Variants in TAAR5 observed in about 807,000 individuals in gnomAD.
TAAR5 encodes trace amine associated receptor 5.
A neutral mutation model predicts 21.1 loss-of-function variants in TAAR5; 27 were observed. The observed-to-expected ratio is 1.28, with a 90% confidence interval of 0.94 to 1.76. TAAR5 has a LOEUF of 1.76. Among genes scored for constraint, TAAR5 ranks in the 40% most tolerant of loss-of-function variants. The probability of loss-of-function intolerance (pLI) is 0.00; values close to 1 mark genes in which losing one functional copy is unlikely to be tolerated. For synonymous variants in TAAR5, 203 were observed against 167.5 expected, an observed-to-expected ratio of 1.21 and a Z score of -1.64; for missense variants, 495 against 405.6, an observed-to-expected ratio of 1.22 and a Z score of -1.89.
upstream of TAAR5, chr6:132,594,255 A>G (rs542282329): frequency 1.3e-5 from 2 of 152,274 alleles, no homozygotes; most frequent in African/African-American, 4.8e-5. Flanking sequence ...AGGCTCATCT[A>G]TAACTCCTAC....
At chr6:132,608,203 A>C in the TAAR5 span, 2 of 379,646 alleles carry the variant, frequency 5.3e-6, no homozygotes, top group African/African-American at 4.2e-5. Flanking sequence ...AAATAATAAC[A>C]ATCTCATTTG....
chr6:132,597,600 C>T, the TAAR5 span, among the ~76,000 whole-genome samples: 1 of 151,982 alleles, frequency 6.6e-6, no homozygotes, highest in Non-Finnish European at 1.5e-5. Context: ...AAAGTTAAGC[C>T]CTTTATGGCA....
upstream of TAAR5, among the ~76,000 whole-genome samples, chr6:132,591,172 C>A (rs12208145): frequency 0.28 from 42,984 of 151,992 alleles, 6,598 homozygotes; most frequent in Non-Finnish European, 0.35. Flanking sequence ...AGAGTAGGTA[C>A]AATTATACCT....
the TAAR5 span, among the ~76,000 whole-genome samples, chr6:132,609,648 A>T: frequency 6.6e-6 from 1 of 152,212 alleles, no homozygotes; most frequent in Admixed American, 6.5e-5. Context: ...CTTTGAACAG[A>T]TACATTCCTA....
At chr6:132,609,575 T>A in the TAAR5 span, among the ~76,000 whole-genome samples, 1 of 152,232 alleles carries the variant, frequency 6.6e-6, no homozygotes, top group Non-Finnish European at 1.5e-5. Flanking sequence ...TAGGTTTATC[T>A]ATTGACTGCT....
At chr6:132,590,522 G>C (rs186874081), upstream of TAAR5, among the ~76,000 whole-genome samples, 277 of 152,268 alleles carry the variant, frequency 1.8e-3, no homozygotes, top group Non-Finnish European at 3.2e-3. Context: ...CCCTTCCTGG[G>C]AAAAAATGTT....
At chr6:132,593,042 T>C (rs942085894), upstream of TAAR5, among the ~76,000 whole-genome samples, 3 of 152,204 alleles carry the variant, frequency 2.0e-5, no homozygotes, top group Non-Finnish European at 4.4e-5. Flanking sequence ...TCAAACTTGC[T>C]TCCTCATGCC....
chr6:132,595,833 T>C, the TAAR5 span, among the ~76,000 whole-genome samples: 25 of 152,212 alleles, frequency 1.6e-4, no homozygotes, highest in Admixed American at 2.6e-4. Context: ...TCAAGGATTA[T>C]GAAGAACTGT....
At position 132,589,247 on chromosome 6, in the gene TAAR5, G is replaced by C; in HGVS notation, c.440C>G (p.Thr147Arg). 1 of 1,607,992 alleles carries C rather than the reference G, an allele frequency of 6.2e-7. No individual in the cohort carries two copies. Among genetic ancestry groups the C allele is most frequent in the Non-Finnish European group, 8.5e-7 (1 of 1,176,784 alleles). Residue 147 changes from threonine to arginine, a missense_variant, in exon 1 of 1, where the codon ACA becomes AGA. Physicochemically the swap from Thr to Arg is moderately conservative, Grantham distance 71 (BLOSUM62 -1). Transcript: ENST00000258034. ...GATGTACCTGAGAGCCACCCTCACT[G>C]TGAACTTGGAGGGATAGAGCAGGGG... Reference protein sequence around the residue: ...CDPLLYPSKFTVRVALRYILA... With the variant: ...CDPLLYPSKFRVRVALRYILA...
At chr6:132,615,655 A>G in the TAAR5 span, among the ~76,000 whole-genome samples, 36 of 152,122 alleles carry the variant, frequency 2.4e-4, no homozygotes, top group Non-Finnish European at 1.0e-4. Flanking sequence ...AAGCCAGTAT[A>G]CAGGACACTG....
chr6:132,606,648 G>T, the TAAR5 span, among the ~76,000 whole-genome samples: 2 of 152,122 alleles, frequency 1.3e-5, no homozygotes, highest in East Asian at 1.9e-4. Flanking sequence ...CATTTATTAG[G>T]CACATTTACT....
the TAAR5 span, among the ~76,000 whole-genome samples, chr6:132,612,144 A>C: frequency 1.3e-5 from 2 of 152,168 alleles, no homozygotes; most frequent in South Asian, 2.1e-4. Context: ...TGATAGCCTT[A>C]AGAAATAATT....
chr6:132,616,516 T>A, the TAAR5 span, among the ~76,000 whole-genome samples: 1 of 152,160 alleles, frequency 6.6e-6, no homozygotes, highest in Non-Finnish European at 1.5e-5. Context: ...TTAGGATGGC[T>A]CCTGAATGAA....
At chr6:132,602,847 T>TAAA in the TAAR5 span, among the ~76,000 whole-genome samples, 2 of 146,676 alleles carry the variant, frequency 1.4e-5, no homozygotes, top group African/African-American at 2.5e-5. Flanking sequence ...GGCTATGGAT[T>TAAA]AAAAAAAAAA....
At chr6:132,600,939 A>G in the TAAR5 span, among the ~76,000 whole-genome samples, 1 of 108,940 alleles carries the variant, frequency 9.2e-6, no homozygotes, top group Non-Finnish European at 1.8e-5. Flanking sequence ...GAAGGAGGGA[A>G]GGAGGGAAAG....
chr6:132,605,612 GCA>G, the TAAR5 span, among the ~76,000 whole-genome samples: 1 of 151,790 alleles, frequency 6.6e-6, no homozygotes, highest in African/African-American at 2.4e-5. Context: ...ACACACACAT[GCA>G]CACACACATA....
At chr6:132,606,363 G>C in the TAAR5 span, among the ~76,000 whole-genome samples, 55,608 of 151,976 alleles carry the variant, frequency 0.37, 10,518 homozygotes, top group African/African-American at 0.41. Context: ...AGAAGGACCA[G>C]CGGGTATAAA....
At chr6:132,603,979 A>C in the TAAR5 span, among the ~76,000 whole-genome samples, 1 of 152,046 alleles carries the variant, frequency 6.6e-6, no homozygotes, top group African/African-American at 2.4e-5. Flanking sequence ...TTATAATCAT[A>C]AGTTAAAGTT....
At chr6:132,594,022 A>G (rs117612071), upstream of TAAR5, among the ~76,000 whole-genome samples, 34 of 152,348 alleles carry the variant, frequency 2.2e-4, no homozygotes, top group East Asian at 5.2e-3. Context: ...ACTCAGATAT[A>G]CATGGCTGTC....
Sources: gnomAD v4.1 joint callset for allele counts (sites outside exome capture counted in the v4.1 genomes callset) on GRCh38, gnomAD v4.1.1 for gene constraint, MANE v1.5 for transcripts, NCBI Gene and HGNC (gene_info 2026-07-23, HGNC 2026-07-21) for gene names.